PRKG1: variants seen among roughly 807,000 people sequenced by gnomAD.
PRKG1 encodes the protein cGMP-dependent protein kinase 1.
PRKG1 carries 35 observed loss-of-function variants against 88.1 expected under a neutral mutation model. That is an observed-to-expected ratio of 0.40 (90% confidence interval 0.30 to 0.53). PRKG1 has a LOEUF of 0.53. Among genes scored for constraint, PRKG1 ranks in the 20% least tolerant of loss-of-function variants. The probability of loss-of-function intolerance (pLI) is 0.59; values close to 1 mark genes in which losing one functional copy is unlikely to be tolerated. For synonymous variants in PRKG1, 303 were observed against 292.5 expected (o/e 1.04, Z -0.37); for missense variants, 540 against 839.8 (o/e 0.64, Z 4.41).
chr10:51,175,072 AC>A (rs1198114090), intron 2 of PRKG1, among the ~76,000 whole-genome samples: 1 of 152,002 alleles, frequency 6.6e-6, no homozygotes, highest in Non-Finnish European at 1.5e-5. Context: ...TTTTCTATTA[AC>A]TTATCAATAA....
intron 3 of PRKG1, among the ~76,000 whole-genome samples, chr10:51,544,470 G>A (rs1210875981): frequency 6.6e-6 from 1 of 151,954 alleles, no homozygotes; most frequent in African/African-American, 2.4e-5. Context: ...GGACATTTGG[G>A]TTGGTTCCAA....
intron 9 of PRKG1, among the ~76,000 whole-genome samples, chr10:52,227,652 C>T (rs1840421469): frequency 6.6e-6 from 1 of 152,072 alleles, no homozygotes. Flanking sequence ...CAAGGGATGA[C>T]TGTATGTTCT....
At chr10:52,171,785 A>ATTT (rs1358641112) in intron 9 of PRKG1, among the ~76,000 whole-genome samples, 1,930 of 122,532 alleles carry the variant, frequency 0.016, 170 homozygotes, top group African/African-American at 0.065. Context: ...CTTTTATCAA[A>ATTT]ATTTTTTTTT....
At chr10:52,072,078 C>G (rs750552748) in intron 7 of PRKG1, among the ~76,000 whole-genome samples, 1 of 151,108 alleles carries the variant, frequency 6.6e-6, no homozygotes, top group African/African-American at 2.4e-5. Flanking sequence ...CTTATGACTC[C>G]TGTGCGGCTC....
In PRKG1 at chr10:51,128,708, A is replaced by G. The variant is rs562838423; in HGVS notation, c.312-24456A>G. ...GTAGAATCTTACTTTTAATTGCCAT[A>G]GGAATACATTATACATTTGGAGTAA... is the stretch of plus-strand genomic sequence containing the variant. On this transcript the variant is annotated intron_variant, in intron 1 of 17. Transcript: ENST00000373980. Among the ~76,000 whole-genome samples, 3 of 152,320 alleles carry G rather than the reference A, an allele frequency of 2.0e-5. No homozygotes were observed. In the South Asian group the frequency reaches 6.2e-4, roughly 32 times the overall value.
chr10:51,618,824 A>G (rs1839133011), intron 3 of PRKG1, among the ~76,000 whole-genome samples: 1 of 151,920 alleles, frequency 6.6e-6, no homozygotes, highest in African/African-American at 2.4e-5. Flanking sequence ...GCTGGAGTGT[A>G]GTGGCACAAT....
At chr10:51,806,194 G>A (rs148505054) in intron 4 of PRKG1, among the ~76,000 whole-genome samples, 1 of 152,242 alleles carries the variant, frequency 6.6e-6, no homozygotes, top group African/African-American at 2.4e-5. Flanking sequence ...TCAATGAAAT[G>A]GTAACCTATG....
chr10:51,760,505 C>T (rs1354875204), intron 3 of PRKG1, among the ~76,000 whole-genome samples: 1 of 150,428 alleles, frequency 6.6e-6, no homozygotes, highest in Non-Finnish European at 1.5e-5. Flanking sequence ...CAAGTCTTGC[C>T]CTGTCACTCA....
chr10:51,800,925 G>C (rs1302778039), intron 3 of PRKG1, among the ~76,000 whole-genome samples: 2 of 152,054 alleles, frequency 1.3e-5, no homozygotes, highest in Non-Finnish European at 2.9e-5. Context: ...GGGCTTCAAC[G>C]TTTGAATTTT....
At chr10:51,244,832 G>A (rs1207175803) in intron 2 of PRKG1, 1 of 150,996 alleles carries the variant, frequency 6.6e-6, no homozygotes, top group Non-Finnish European at 1.5e-5. Context: ...AGCTGCTTGA[G>A]GTTACCTTAT....
intron 2 of PRKG1, among the ~76,000 whole-genome samples, chr10:51,458,281 C>T (rs1290109106): frequency 6.6e-6 from 1 of 152,072 alleles, no homozygotes; most frequent in Non-Finnish European, 1.5e-5. Context: ...GAGGTTGATA[C>T]TTTGAATTAT....
Position 52,166,819 on chromosome 10 carries a change from G to GTATATATA in PRKG1, c.1076+4858_1076+4865dup, listed in dbSNP as rs370403466. 2.0e-4 allele frequency among the ~76,000 whole-genome samples: 11 copies of GTATATATA among 55,314 alleles called. 1 individual carries two copies. The highest frequency in any genetic ancestry group is 1.2e-3 in the South Asian group (2 of 1,652). 36.3% of individuals were successfully genotyped at this position (55,314 alleles called of 152,430 possible). ...TATACATATATATATGTATATATAT[G>GTATATATA]TATATATATGTATATATATGTATAT... On this transcript the variant is annotated intron_variant, in intron 9 of 17. Transcript: ENST00000373980.
chr10:51,950,828 T>C (rs545377387), intron 5 of PRKG1, among the ~76,000 whole-genome samples: 1 of 152,350 alleles, frequency 6.6e-6, no homozygotes, highest in East Asian at 1.9e-4. Context: ...TGAGCTCTTG[T>C]CCAGCATCCA....
intron 4 of PRKG1, among the ~76,000 whole-genome samples, chr10:51,904,133 C>G (rs2132939360): frequency 6.6e-6 from 1 of 152,228 alleles, no homozygotes; most frequent in Admixed American, 6.5e-5. Context: ...CTAGTGCATT[C>G]TGTAACTTCG....
intron 1 of PRKG1, among the ~76,000 whole-genome samples, chr10:51,056,994 C>A (rs1247596373): frequency 4.6e-5 from 7 of 152,184 alleles, no homozygotes; most frequent in Non-Finnish European, 1.0e-4. Context: ...CTACTAAAAT[C>A]TTCTTTTCCG....
At chr10:51,523,607 C>A (rs1033265698) in intron 3 of PRKG1, among the ~76,000 whole-genome samples, 1 of 152,178 alleles carries the variant, frequency 6.6e-6, no homozygotes, top group East Asian at 1.9e-4. Context: ...CTAACTTTAT[C>A]CTTATTTGTT....
At chr10:51,793,567 G>T (rs1838928239) in intron 3 of PRKG1, among the ~76,000 whole-genome samples, 1 of 151,974 alleles carries the variant, frequency 6.6e-6, no homozygotes, top group African/African-American at 2.4e-5. Context: ...TCAAATTCAA[G>T]CCAAATAAGA....
intron 2 of PRKG1, among the ~76,000 whole-genome samples, chr10:51,238,116 T>G (rs188425364): frequency 6.6e-6 from 1 of 152,226 alleles, no homozygotes. Flanking sequence ...TATAAACTAA[T>G]TTTCCAAATC....
intron 5 of PRKG1, among the ~76,000 whole-genome samples, chr10:51,961,300 G>A (rs1043431234): frequency 1.3e-5 from 2 of 152,078 alleles, no homozygotes; most frequent in Admixed American, 6.6e-5. Context: ...GTGTCCACGG[G>A]TTTTGCATCC....
Sources: allele counts gnomAD v4.1 joint callset (sites outside exome capture counted in the v4.1 genomes callset), GRCh38; gene constraint gnomAD v4.1.1; transcripts MANE v1.5; gene names NCBI Gene and HGNC (gene_info 2026-07-23, HGNC 2026-07-21).